Variants in SSR1 observed in about 807,000 individuals in gnomAD.
SSR1 encodes signal sequence receptor subunit 1, also known as translocon-associated protein subunit alpha.
In SSR1, 13 loss-of-function variants were observed where a neutral mutation model predicts 36.1. The ratio of observed to expected loss-of-function variants is 0.36; its 90% CI spans 0.23 to 0.57. The LOEUF is 0.57. Among genes scored for constraint, SSR1 ranks in the 20% least tolerant of loss-of-function variants. The probability of loss-of-function intolerance (pLI) is 0.81; values close to 1 mark genes in which losing one functional copy is unlikely to be tolerated. For missense variants in SSR1, 291 were observed against 338.5 expected (o/e 0.86, Z 1.10); for synonymous variants, 113 against 118.9 (o/e 0.95, Z 0.32).
intron 2 of SSR1, among the ~76,000 whole-genome samples, chr6:7,308,086 T>C (rs1447976991): frequency 6.6e-6 from 1 of 152,192 alleles, no homozygotes; most frequent in Non-Finnish European, 1.5e-5. Flanking sequence ...GTTAAAGCTA[T>C]TCACTTAATG....
chr6:7,298,343 A>T (rs771213851), intron 5 of SSR1, among the ~76,000 whole-genome samples: 5 of 152,262 alleles, frequency 3.3e-5, no homozygotes, highest in Non-Finnish European at 7.3e-5. Flanking sequence ...TGAATTATAT[A>T]TAAGTTTAGA....
rs1757548394 is a variant in SSR1, at chr6:7,286,159, A to C, written c.*3705T>G. 1 of 152,148 alleles carries C rather than the reference A, an allele frequency of 6.6e-6. No individual in the cohort carries two copies. The highest frequency in any genetic ancestry group is 2.1e-4 in the South Asian group (1 of 4,832). The allele number at this position is 152,148 out of a possible 1,614,324, so 9.4% of individuals were successfully genotyped here. A position where few individuals can be genotyped will look rare whatever the true frequency, so the allele number is the denominator to read the frequency against. ...ACAAACAGAACACAGCACGTGATTG[A>C]TGTTTAATAAATGAGTTCCCTTCCC... On this transcript the variant is annotated 3_prime_UTR_variant, in exon 8 of 8. Coordinates refer to ENST00000244763, the MANE Select transcript of SSR1 (RefSeq NM_003144.5).
chr6:7,310,490 A>G (rs1291650170), intron 1 of SSR1, among the ~76,000 whole-genome samples: 3 of 152,246 alleles, frequency 2.0e-5, no homozygotes, highest in Non-Finnish European at 2.9e-5. Flanking sequence ...TTGAAGCACA[A>G]AGAACTTCAA....
rs931036243 is a variant in SSR1 at position 7,283,721 on chromosome 6, A to C, written c.*6143T>G. 3 of 152,244 alleles carry C rather than the reference A, an allele frequency of 2.0e-5. No homozygotes were observed. Among genetic ancestry groups the C allele is most frequent in the African/African-American group, 7.2e-5 (3 of 41,446 alleles). 9.4% of individuals were successfully genotyped at this position (152,244 alleles called of 1,614,324 possible). On this transcript the variant is annotated 3_prime_UTR_variant, in exon 8 of 8. Coordinates refer to ENST00000244763, the MANE Select transcript of SSR1 (RefSeq NM_003144.5). ...AAGCTTGACTCTGGACTGTGATAGC[A>C]GAAACAAATACAGGCAGTGCCTCAG...
At chr6:7,306,947 T>G (rs1758080583) in intron 2 of SSR1, among the ~76,000 whole-genome samples, 3 of 95,136 alleles carry the variant, frequency 3.2e-5, no homozygotes, top group African/African-American at 1.4e-4. Flanking sequence ...AAGCCCAAGG[T>G]GACTTAAAAA....
chr6:7,297,186 T>C (rs769479151), intron 6 of SSR1: 64 of 195,988 alleles, frequency 3.3e-4, no homozygotes, highest in Middle Eastern at 2.5e-3. Context: ...GCCACTGCAC[T>C]CCATCCTGGA....
At chr6:7,292,426 T>C (rs1244923687) in intron 7 of SSR1, among the ~76,000 whole-genome samples, 1 of 152,242 alleles carries the variant, frequency 6.6e-6, no homozygotes, top group Non-Finnish European at 1.5e-5. Flanking sequence ...CTTTTACTCC[T>C]ATCACCACTG....
intron 7 of SSR1, chr6:7,295,055 A>G: frequency 6.7e-7 from 1 of 1,493,506 alleles, no homozygotes; most frequent in South Asian, 1.3e-5. Context: ...CCAATTCTCT[A>G]GCAAAAACCA....
At chr6:7,302,419 T>C (rs548036655) in intron 3 of SSR1, among the ~76,000 whole-genome samples, 1 of 152,328 alleles carries the variant, frequency 6.6e-6, no homozygotes, top group Admixed American at 6.5e-5. Flanking sequence ...ATGCCAAGTA[T>C]TGAGAATATA....
At chr6:7,310,052 G>C (rs756582164) in intron 1 of SSR1, 23 bp from the exon 2 acceptor site, 1 of 1,584,718 alleles carries the variant, frequency 6.3e-7, no homozygotes, top group South Asian at 1.1e-5. Flanking sequence ...TACAGAAAAA[G>C]CAGTTACCCT....
intron 7 of SSR1, among the ~76,000 whole-genome samples, chr6:7,293,222 G>T (rs1757721874): frequency 6.7e-6 from 1 of 149,384 alleles, no homozygotes; most frequent in African/African-American, 2.5e-5. Context: ...CACTAGTTTT[G>T]AGGGACAGAT....
At chr6:7,310,334 C>G (rs530705239) in intron 1 of SSR1, among the ~76,000 whole-genome samples, 1 of 151,172 alleles carries the variant, frequency 6.6e-6, no homozygotes, top group East Asian at 2.0e-4. Context: ...CCCAAGTGAT[C>G]CTTCCACCTC....
Position 7,288,579 on chromosome 6 carries a change from CTAAAATTTGACT to C in SSR1, c.*1273_*1284del, listed in dbSNP as rs1489607100. On this transcript the variant is annotated 3_prime_UTR_variant, in exon 8 of 8. Coordinates refer to ENST00000244763, the MANE Select transcript of SSR1 (RefSeq NM_003144.5). ...GAAGAGGTCAGGAATTAAAGAGCCACTAAAATTTGACTTAACATTTTCTTATAAAATACATGT... is the reference window on the plus strand; with the variant it reads ...GAAGAGGTCAGGAATTAAAGAGCCACTAACATTTTCTTATAAAATACATGT... 1 of 152,508 alleles carries C rather than the reference CTAAAATTTGACT, an allele frequency of 6.6e-6. No homozygotes were observed. Among genetic ancestry groups the C allele is most frequent in the Non-Finnish European group, 1.5e-5 (1 of 68,018 alleles). 9.4% of individuals were successfully genotyped at this position (152,508 alleles called of 1,614,324 possible).
intron 6 of SSR1, among the ~76,000 whole-genome samples, 186 bp from the exon 7 acceptor site, chr6:7,295,671 TTACTC>T (rs1221203457): frequency 6.6e-6 from 1 of 152,216 alleles, no homozygotes; most frequent in Non-Finnish European, 1.5e-5. Context: ...GACCAGCTGT[TTACTC>T]TAATTTTTAA....
chr6:7,301,965 T>TA (rs1757945618), intron 3 of SSR1, among the ~76,000 whole-genome samples: 1 of 152,122 alleles, frequency 6.6e-6, no homozygotes, highest in South Asian at 2.1e-4. Flanking sequence ...GAAGAAAAGA[T>TA]AAAGTCCAAG....
chr6:7,307,336 T>A (rs1758091743), intron 2 of SSR1, among the ~76,000 whole-genome samples: 1 of 152,212 alleles, frequency 6.6e-6, no homozygotes, highest in Non-Finnish European at 1.5e-5. Flanking sequence ...CCTTAATTAT[T>A]TTCTGATTTG....
intron 7 of SSR1, chr6:7,295,151 A>G: frequency 6.6e-7 from 1 of 1,503,996 alleles, no homozygotes; most frequent in South Asian, 1.3e-5. Flanking sequence ...GGAACACAGA[A>G]AATTCACACA....
intron 2 of SSR1, among the ~76,000 whole-genome samples, chr6:7,307,469 A>C (rs1758095383): frequency 6.6e-6 from 1 of 152,200 alleles, no homozygotes; most frequent in Non-Finnish European, 1.5e-5. Flanking sequence ...TAAGATATGG[A>C]AAAGTTCTGG....
chr6:7,311,713 T>G (rs969322774), intron 1 of SSR1, among the ~76,000 whole-genome samples: 1 of 152,182 alleles, frequency 6.6e-6, no homozygotes, highest in Non-Finnish European at 1.5e-5. Context: ...CAATAACAAT[T>G]TTGTCCCCAT....
Sources: allele counts gnomAD v4.1 joint callset (sites outside exome capture counted in the v4.1 genomes callset), GRCh38; gene constraint gnomAD v4.1.1; transcripts MANE v1.5; gene names NCBI Gene and HGNC (gene_info 2026-07-23, HGNC 2026-07-21).